TRPM1: variants seen among roughly 807,000 people sequenced by gnomAD.
The protein encoded by TRPM1 is transient receptor potential cation channel subfamily M member 1, also known as TRPM1-203 APA Isoform, Intron 10.
A neutral mutation model predicts 149.4 loss-of-function variants in TRPM1; 113 were observed. The ratio of observed to expected loss-of-function variants is 0.76; its 90% confidence interval spans 0.65 to 0.88. The LOEUF (loss-of-function observed/expected upper bound fraction) is 0.88. TRPM1 is among the 40% of genes least tolerant of loss of function. TRPM1 has a pLI of 0.00. For missense variants in TRPM1, 1,976 were observed against 2,038.7 expected (o/e 0.97, Z 0.59); for synonymous variants, 741 against 759.5 (o/e 0.98, Z 0.40).
intron 1 of TRPM1, among the ~76,000 whole-genome samples, chr15:31,151,470 G>T (rs1209179579): frequency 1.3e-5 from 2 of 152,204 alleles, no homozygotes; most frequent in African/African-American, 2.4e-5. Flanking sequence ...ATAGCCTGGA[G>T]GGTGGCCTGC....
Position 31,002,548 on chromosome 15 carries a change from C to T in TRPM1, c.4152G>A (p.Lys1384=). 6.2e-7 allele frequency: 1 copy of T among 1,614,032 alleles called. No homozygotes were observed. Among genetic ancestry groups the T allele is most frequent in the Non-Finnish European group, 8.5e-7 (1 of 1,180,014 alleles). Residue 1384 remains lysine, a synonymous_variant, in exon 28 of 28, where the codon AAG becomes AAA. Transcript: ENST00000256552. The part of the protein sequence containing the change: ...SKLGPDIGIS[K]EDDERQTDSK... ...AGTCTGTCTGTCTTTCATCATCTTC[C>T]TTTGAAATCCCAATATCTGGACCTA...
chr15:31,012,995 T>C (rs990822566), intron 27 of TRPM1, among the ~76,000 whole-genome samples: 2 of 147,752 alleles, frequency 1.4e-5, no homozygotes, highest in Non-Finnish European at 3.0e-5. Context: ...TTTCTTTTTT[T>C]TTTTTGACAC....
intron 1 of TRPM1, among the ~76,000 whole-genome samples, chr15:31,133,995 T>C (rs1037779833): frequency 1.3e-5 from 2 of 152,088 alleles, no homozygotes; most frequent in African/African-American, 4.8e-5. Context: ...ACCCAAGTAA[T>C]TGAGCAAGTA....
At chr15:31,061,943 C>T (rs1198911554) in intron 9 of TRPM1, among the ~76,000 whole-genome samples, 4 of 152,132 alleles carry the variant, frequency 2.6e-5, no homozygotes, top group Admixed American at 6.6e-5. Flanking sequence ...CTGTCTCAGC[C>T]CCCCAAAGTG....
intron 1 of TRPM1, among the ~76,000 whole-genome samples, chr15:31,114,286 T>C (rs1192528881): frequency 2.0e-5 from 3 of 152,248 alleles, no homozygotes; most frequent in Non-Finnish European, 2.9e-5. Flanking sequence ...TTTCTGTTCC[T>C]GTGTTAATTT....
chr15:31,143,941 T>TACAATTAGAATA (rs1246806449), intron 1 of TRPM1, among the ~76,000 whole-genome samples: 1 of 152,224 alleles, frequency 6.6e-6, no homozygotes, highest in Non-Finnish European at 1.5e-5. Context: ...TATAACAGGA[T>TACAATTAGAATA]ACAATTAGAA....
intron 3 of TRPM1, among the ~76,000 whole-genome samples, chr15:31,073,426 A>G (rs1296314618): frequency 6.6e-6 from 1 of 152,150 alleles, no homozygotes; most frequent in Non-Finnish European, 1.5e-5. Context: ...AAGTTTTGAA[A>G]TCAGAAAATG....
At chr15:31,072,112 T>C (rs2034576957) in intron 3 of TRPM1, among the ~76,000 whole-genome samples, 1 of 150,300 alleles carries the variant, frequency 6.7e-6, no homozygotes. Flanking sequence ...TTTTCGAACA[T>C]TTTCATCACC....
At chr15:31,029,179 TA>T (rs957712205) in intron 24 of TRPM1, among the ~76,000 whole-genome samples, 191 bp downstream of exon 24, 8 of 152,156 alleles carry the variant, frequency 5.3e-5, no homozygotes, top group Admixed American at 2.0e-4. Flanking sequence ...ATTTCTCCCC[TA>T]AAAAAATAGG....
chr15:31,046,491 G>C (rs2033768230), intron 15 of TRPM1, among the ~76,000 whole-genome samples: 1 of 152,194 alleles, frequency 6.6e-6, no homozygotes, highest in South Asian at 2.1e-4. Flanking sequence ...TTCCCTAATA[G>C]ACATGTAGAG....
chr15:31,074,571 TC>T lies in TRPM1; in HGVS notation c.83+2333del, dbSNP rs373707603. Among the ~76,000 whole-genome samples, 55 of 152,242 alleles carry T rather than the reference TC, an allele frequency of 3.6e-4. No homozygotes were observed. The East Asian group carries it at 9.3e-3, about 26-fold the overall frequency. On this transcript the variant is annotated intron_variant, in intron 3 of 27. Coordinates refer to ENST00000256552, the MANE Select transcript of TRPM1 (RefSeq NM_001252024.2). ...TCTGAGTCTAGTCATTTGAGTCTTA[TC>T]TTTCTCTTCTTTTATGACTCTAGCT... is the stretch of plus-strand genomic sequence containing the variant.
At chr15:31,051,211 G>A (rs7179148) in intron 11 of TRPM1, among the ~76,000 whole-genome samples, 30,296 of 152,112 alleles carry the variant, frequency 0.2, 3,945 homozygotes, top group African/African-American at 0.37. Flanking sequence ...GCCTGGCCCC[G>A]TGGCCTTGTC....
At chr15:31,026,820 C>T (rs1434534909) in intron 26 of TRPM1, 95 bp downstream of exon 26, 4 of 1,330,574 alleles carry the variant, frequency 3.0e-6, no homozygotes, top group Non-Finnish European at 4.3e-6. Context: ...GCTTTTCACA[C>T]GAGCAAGTAG....
chr15:31,002,837 C>T lies in TRPM1; in HGVS notation c.3863G>A (p.Ser1288Asn). ...TCGATACAAGCTGTAGCCATCAGCG[C>T]TATTGATGCTGCTTTGCCGGAGAAG... is the stretch of plus-strand genomic sequence containing the variant. ...TYLLRQSSIN[S>N]ADGYSLYRYH... Residue 1288 changes from serine to asparagine, a missense_variant, in exon 28 of 28, where the codon AGC becomes AAC. Transcript: ENST00000256552. 6.2e-7 allele frequency: 1 copy of T among 1,614,214 alleles called. No homozygotes were observed. The highest frequency in any genetic ancestry group is 1.7e-5 in the Admixed American group (1 of 60,022).
intron 3 of TRPM1, among the ~76,000 whole-genome samples, chr15:31,071,997 A>G (rs1424789124): frequency 5.1e-5 from 3 of 58,770 alleles, no homozygotes; most frequent in African/African-American, 1.8e-4. Context: ...ATATATATAT[A>G]TATATATATA....
At chr15:31,134,552 C>CT (rs1170387367) in intron 1 of TRPM1, among the ~76,000 whole-genome samples, 2 of 152,208 alleles carry the variant, frequency 1.3e-5, no homozygotes, top group Admixed American at 1.3e-4. Context: ...AAGGCACCAA[C>CT]TTCAATCTGT....
At chr15:31,065,516 C>G (rs1217477727) in intron 7 of TRPM1, among the ~76,000 whole-genome samples, 1 of 152,132 alleles carries the variant, frequency 6.6e-6, no homozygotes, top group East Asian at 1.9e-4. Flanking sequence ...TTGAGGTTTG[C>G]GTCTTTCTCT....
At chr15:31,043,476 GC>G (rs2033680185) in intron 16 of TRPM1, among the ~76,000 whole-genome samples, 1 of 152,172 alleles carries the variant, frequency 6.6e-6, no homozygotes, top group African/African-American at 2.4e-5. Flanking sequence ...GTAGCCATGA[GC>G]CACCACGCCC....
chr15:31,046,313 A>AGTG, intron 15 of TRPM1, 80 bp from the exon 16 acceptor site: 1 of 1,363,676 alleles, frequency 7.3e-7, no homozygotes, highest in East Asian at 2.3e-5. Context: ...TATTGTTGAT[A>AGTG]GTGGACATAC....
Sources: gnomAD v4.1 joint callset for allele counts (sites outside exome capture counted in the v4.1 genomes callset) on GRCh38, gnomAD v4.1.1 for gene constraint, MANE v1.5 for transcripts, NCBI Gene and HGNC (gene_info 2026-07-23, HGNC 2026-07-21) for gene names.